The following C14orf132 variants were observed in gnomAD, a reference collection of about 807,000 sequenced individuals.
C14orf132 encodes the protein chromosome 14 open reading frame 132.
Under a neutral mutation model 5.8 loss-of-function variants are expected in C14orf132, and 6 were observed. The ratio of observed to expected loss-of-function variants is 1.03; its 90% CI spans 0.57 to 2.04. The LOEUF (loss-of-function observed/expected upper bound fraction) is 2.04, where lower values mean the gene tolerates loss of function less well. C14orf132 is among the 30% of genes most tolerant of loss of function. The probability of loss-of-function intolerance (pLI) is 0.00; values close to 1 mark genes in which losing one functional copy is unlikely to be tolerated. For missense variants in C14orf132, 125 were observed against 115.8 expected (o/e 1.08, Z -0.37); for synonymous variants, 51 against 49.8 (o/e 1.02, Z -0.10).
chr14:96,047,301 A>T (rs1360819584), intron 1 of C14orf132, among the ~76,000 whole-genome samples: 2 of 152,206 alleles, frequency 1.3e-5, no homozygotes, highest in Non-Finnish European at 1.5e-5. Flanking sequence ...CAGACATATG[A>T]CTTGAAACAA....
At chr14:96,054,865 C>T (rs8021910) in intron 1 of C14orf132, among the ~76,000 whole-genome samples, 150,745 of 152,342 alleles carry the variant, frequency 0.99, 74,582 homozygotes, top group East Asian at 1. Flanking sequence ...AATGCATTCA[C>T]TAATGTGGCC....
chr14:96,041,110 A>C (rs1356873227), intron 1 of C14orf132, among the ~76,000 whole-genome samples: 1 of 151,956 alleles, frequency 6.6e-6, no homozygotes, highest in East Asian at 1.9e-4. Context: ...TTCACATTCC[A>C]CTCGGTCAAT....
At chr14:96,045,355 G>A (rs1156335219) in intron 1 of C14orf132, among the ~76,000 whole-genome samples, 1 of 152,192 alleles carries the variant, frequency 6.6e-6, no homozygotes. Context: ...TGGGCAGAGG[G>A]AACTGTGTGC....
intron 1 of C14orf132, among the ~76,000 whole-genome samples, chr14:96,057,972 A>G (rs79040165): frequency 1.8e-3 from 273 of 152,294 alleles, no homozygotes; most frequent in Non-Finnish European, 3.0e-3. Context: ...TGACCATGCT[A>G]ACGCCTGCCT....
rs1336106511 is a variant in C14orf132 at position 96,086,747 on chromosome 14, C to G, written c.*12C>G. 1.3e-6 allele frequency: 2 copies of G among 1,534,782 alleles called. No homozygotes were observed. Among genetic ancestry groups the G allele is most frequent in the Admixed American group, 3.9e-5 (2 of 50,976 alleles). The stretch of plus-strand genomic sequence containing the variant: ...CCTTCACCTTCTGAGGACGGCACAC[C>G]CTGCACCACCATGGGGTGAGGCTTG... On this transcript the variant is annotated 3_prime_UTR_variant, in exon 2 of 2. Coordinates refer to ENST00000555004, the MANE Select transcript of C14orf132 (RefSeq NM_001252507.3).
chr14:96,085,597 G>A (rs1036265742), intron 1 of C14orf132, among the ~76,000 whole-genome samples: 4 of 152,198 alleles, frequency 2.6e-5, no homozygotes, highest in African/African-American at 7.2e-5. Flanking sequence ...AGTGATGTGC[G>A]GCGTGGGCGG....
intron 1 of C14orf132, among the ~76,000 whole-genome samples, chr14:96,070,990 T>A (rs1381540484): frequency 6.6e-6 from 1 of 152,158 alleles, no homozygotes; most frequent in African/African-American, 2.4e-5. Flanking sequence ...TTTGGTGATG[T>A]GCTGAGAAGG....
chr14:96,063,087 A>T (rs1448662961), intron 1 of C14orf132, among the ~76,000 whole-genome samples: 1 of 152,138 alleles, frequency 6.6e-6, no homozygotes, highest in Non-Finnish European at 1.5e-5. Context: ...AAGGTGGATG[A>T]GGCAGGGATC....
intron 1 of C14orf132, among the ~76,000 whole-genome samples, chr14:96,064,363 T>TACACACACACACACACAC (rs148402921): frequency 7.4e-6 from 1 of 135,858 alleles, no homozygotes; most frequent in Non-Finnish European, 1.5e-5. Context: ...GGTGCATATA[T>TACACACACACACACACAC]ACACACACAC....
chr14:96,062,107 T>A (rs181421282), intron 1 of C14orf132, among the ~76,000 whole-genome samples: 80 of 152,260 alleles, frequency 5.3e-4, no homozygotes, highest in African/African-American at 1.9e-3. Context: ...CTTTGGCTCA[T>A]GTTGAAGTCA....
rs965093826 is a variant in C14orf132, at chr14:96,093,545, A to T, written c.*6810A>T. The T allele has an allele frequency of 1.3e-5, 2 of 152,052 alleles. No individual in the cohort carries two copies. The highest frequency in any genetic ancestry group is 2.9e-5 in the Non-Finnish European group (2 of 68,020). The allele number at this position is 152,052 out of a possible 1,614,324, so 9.4% of individuals were successfully genotyped here. A position where few individuals can be genotyped will look rare whatever the true frequency, so the allele number is the denominator to read the frequency against. ...AGAAACCTTACTATTATAACTTGCT[A>T]CTCTCCAGATACCAATTCTTCATGC... On this transcript the variant is annotated 3_prime_UTR_variant, in exon 2 of 2. Transcript: ENST00000555004.
At chr14:96,045,560 C>G (rs78431305) in intron 1 of C14orf132, among the ~76,000 whole-genome samples, 1 of 152,216 alleles carries the variant, frequency 6.6e-6, no homozygotes, top group Non-Finnish European at 1.5e-5. Context: ...CCAGCCTGGC[C>G]TGGATGGGGC....
chr14:96,057,837 TTGTGGAGAACCA>T (rs1258589394), intron 1 of C14orf132, among the ~76,000 whole-genome samples: 1 of 152,128 alleles, frequency 6.6e-6, no homozygotes, highest in Non-Finnish European at 1.5e-5. Flanking sequence ...CCTGGATCCT[TTGTGGAGAACCA>T]TGTGGAGGCA....
intron 1 of C14orf132, among the ~76,000 whole-genome samples, chr14:96,077,067 A>G (rs1034611333): frequency 6.6e-6 from 1 of 152,194 alleles, no homozygotes; most frequent in African/African-American, 2.4e-5. Flanking sequence ...GACCCAGGAT[A>G]TGGTCTGTCC....
At chr14:96,055,641 C>A (rs1420978606) in intron 1 of C14orf132, among the ~76,000 whole-genome samples, 2 of 152,188 alleles carry the variant, frequency 1.3e-5, no homozygotes, top group Non-Finnish European at 2.9e-5. Flanking sequence ...TTTCCGCAGC[C>A]TGTAAGAGGA....
At position 96,091,246 on chromosome 14, in the gene C14orf132, T is replaced by C. The variant is rs1888396078; in HGVS notation, c.*4511T>C. 1 of 357,428 alleles carries C rather than the reference T, an allele frequency of 2.8e-6. No individual in the cohort carries two copies. The highest frequency in any genetic ancestry group is 5.5e-6 in the Non-Finnish European group (1 of 182,766). 22.1% of individuals were successfully genotyped at this position (357,428 alleles called of 1,614,324 possible). Reference sequence around the variant, plus strand: ...AGGCCTCGGAGGCTGGGGTTGAGATTTGGTCCTGAAGAGCTTATAGCCAGA... The same window carrying C: ...AGGCCTCGGAGGCTGGGGTTGAGATCTGGTCCTGAAGAGCTTATAGCCAGA... On this transcript the variant is annotated 3_prime_UTR_variant, in exon 2 of 2. Coordinates refer to ENST00000555004, the MANE Select transcript of C14orf132 (RefSeq NM_001252507.3).
At chr14:96,067,452 C>T (rs1249540220) in intron 1 of C14orf132, among the ~76,000 whole-genome samples, 2 of 151,924 alleles carry the variant, frequency 1.3e-5, no homozygotes, top group African/African-American at 4.8e-5. Flanking sequence ...AATTAGTGTG[C>T]ACTCTGGGAG....
chr14:96,056,334 G>T lies in C14orf132; in HGVS notation c.27+16807G>T, dbSNP rs142720779. ...CCAGGGCGGCCTGCAAGGGGGTCAG[G>T]GTGGTCAGCTGGGCCTTTTTGGCCT... is the stretch of plus-strand genomic sequence containing the variant. On this transcript the variant is annotated intron_variant, in intron 1 of 1. Coordinates refer to ENST00000555004, the MANE Select transcript of C14orf132 (RefSeq NM_001252507.3). Among the ~76,000 whole-genome samples the T allele has an allele frequency of 4.8e-3, 734 of 152,324 alleles. 14 individuals are homozygous for T. Among genetic ancestry groups the T allele is most frequent in the Admixed American group, 0.043 (659 of 15,304 alleles).
At chr14:96,043,065 G>A (rs1886735544) in intron 1 of C14orf132, among the ~76,000 whole-genome samples, 1 of 152,130 alleles carries the variant, frequency 6.6e-6, no homozygotes, top group African/African-American at 2.4e-5. Flanking sequence ...TCTCCCTCCT[G>A]GACATGCTTG....
Sources: gnomAD v4.1 joint callset for allele counts (sites outside exome capture counted in the v4.1 genomes callset) on GRCh38, gnomAD v4.1.1 for gene constraint, MANE v1.5 for transcripts, NCBI Gene and HGNC (gene_info 2026-07-23, HGNC 2026-07-21) for gene names.